SEMA5A: variants seen among roughly 807,000 people sequenced by gnomAD.
SEMA5A encodes semaphorin 5A, also known as semaphorin-5A.
Under a neutral mutation model 135.5 loss-of-function variants are expected in SEMA5A, and 55 were observed. The observed-to-expected ratio is 0.41, with a 90% CI of 0.33 to 0.51. The LOEUF (loss-of-function observed/expected upper bound fraction) is 0.51, where lower values mean the gene tolerates loss of function less well. Among genes scored for constraint, SEMA5A ranks in the 20% least tolerant of loss-of-function variants. The probability of loss-of-function intolerance (pLI) is 0.37; values close to 1 mark genes in which losing one functional copy is unlikely to be tolerated. For missense variants in SEMA5A, 1,290 were observed against 1,419.9 expected (o/e 0.91, Z 1.47); for synonymous variants, 580 against 546.5 (o/e 1.06, Z -0.85).
At position 9,037,500 on chromosome 5, in the gene SEMA5A, G is replaced by A. The variant is rs1735714311; in HGVS notation, c.*5397C>T. Reference sequence around the variant, plus strand: ...GTATCAAATTTCTGATAATGCAACAGATGACCACTGAGTATATCTTTGATC... The same window carrying A: ...GTATCAAATTTCTGATAATGCAACAAATGACCACTGAGTATATCTTTGATC... On this transcript the variant is annotated 3_prime_UTR_variant, in exon 23 of 23. Coordinates refer to ENST00000382496, the MANE Select transcript of SEMA5A (RefSeq NM_003966.3). The A allele has an allele frequency of 6.6e-6, 1 of 152,290 alleles. No individual in the cohort carries two copies. Among genetic ancestry groups the A allele is most frequent in the East Asian group, 1.9e-4 (1 of 5,180 alleles). 9.4% of individuals were successfully genotyped at this position (152,290 alleles called of 1,614,324 possible). A position where few individuals can be genotyped will look rare whatever the true frequency, so the allele number is the denominator to read the frequency against.
chr5:9,194,856 T>A (rs40690), intron 10 of SEMA5A, among the ~76,000 whole-genome samples: 128,173 of 152,126 alleles, frequency 0.84, 54,178 homozygotes, highest in African/African-American at 0.89. Flanking sequence ...ATAAAACCAG[T>A]CGCTCCTGGC....
chr5:9,521,128 G>C (rs1336265677), intron 1 of SEMA5A, among the ~76,000 whole-genome samples: 1 of 152,304 alleles, frequency 6.6e-6, no homozygotes, highest in East Asian at 1.9e-4. Flanking sequence ...ACATTTTTTA[G>C]GCTAGGCCTG....
chr5:9,136,467 G>A (rs909338814), intron 13 of SEMA5A, 37 bp downstream of exon 13: 1 of 1,544,198 alleles, frequency 6.5e-7, no homozygotes, highest in South Asian at 1.1e-5. Context: ...GCTCCCATGG[G>A]CAGCATTTTC....
At chr5:9,455,910 C>G (rs555059260) in intron 1 of SEMA5A, among the ~76,000 whole-genome samples, 36 of 152,280 alleles carry the variant, frequency 2.4e-4, no homozygotes, top group Middle Eastern at 3.4e-3. Context: ...ACAGAAGACC[C>G]TTCTTCTTCG....
chr5:9,084,209 G>A (rs190620046), intron 16 of SEMA5A, among the ~76,000 whole-genome samples: 1 of 152,330 alleles, frequency 6.6e-6, no homozygotes, highest in East Asian at 1.9e-4. Context: ...TACTCAAGAT[G>A]TGTGCCTCCT....
intron 11 of SEMA5A, among the ~76,000 whole-genome samples, chr5:9,175,979 T>G (rs1415530825): frequency 6.6e-6 from 1 of 152,228 alleles, no homozygotes. Context: ...CTGGTGTTCA[T>G]GTTCTATGTA....
At chr5:9,095,381 G>GAAC (rs1328871867) in intron 16 of SEMA5A, among the ~76,000 whole-genome samples, 1 of 152,126 alleles carries the variant, frequency 6.6e-6, no homozygotes, top group Non-Finnish European at 1.5e-5. Flanking sequence ...ATGTACCCCA[G>GAAC]AACTTAAAGT....
rs977317097 is a variant in SEMA5A, at chr5:9,035,787, A to G, written c.*7110T>C. On this transcript the variant is annotated 3_prime_UTR_variant, in exon 23 of 23. Transcript: ENST00000382496. ...CCCAGCAATCTACAAGTGTTCTAGC[A>G]TAGCAACCCAAGATCCATTTTCTCA... is the stretch of plus-strand genomic sequence containing the variant. 1 of 152,150 alleles carries G rather than the reference A, an allele frequency of 6.6e-6. No individual in the cohort carries two copies. Among genetic ancestry groups the G allele is most frequent in the South Asian group, 2.1e-4 (1 of 4,828 alleles). The allele number at this position is 152,150 out of a possible 1,614,324, so 9.4% of individuals were successfully genotyped here.
At chr5:9,154,105 G>GTGTC (rs1742814176) in intron 12 of SEMA5A, among the ~76,000 whole-genome samples, 1 of 115,936 alleles carries the variant, frequency 8.6e-6, no homozygotes, top group African/African-American at 3.1e-5. Flanking sequence ...GTGTGTGTGT[G>GTGTC]TATGTGTGTG....
intron 4 of SEMA5A, among the ~76,000 whole-genome samples, chr5:9,326,716 G>A (rs963099082): frequency 5.3e-5 from 8 of 152,256 alleles, no homozygotes; most frequent in African/African-American, 1.4e-4. Context: ...GCAAGGTGGA[G>A]GTTGCACTGA....
At chr5:9,499,475 C>T (rs986160798) in intron 1 of SEMA5A, among the ~76,000 whole-genome samples, 1 of 152,162 alleles carries the variant, frequency 6.6e-6, no homozygotes, top group Non-Finnish European at 1.5e-5. Flanking sequence ...AAGGATGCCT[C>T]ATTGACCTAG....
At chr5:9,392,264 C>G (rs985545421) in intron 2 of SEMA5A, among the ~76,000 whole-genome samples, 1 of 152,126 alleles carries the variant, frequency 6.6e-6, no homozygotes, top group Non-Finnish European at 1.5e-5. Flanking sequence ...TTGACTGATA[C>G]ATTTTTGAGT....
intron 11 of SEMA5A, among the ~76,000 whole-genome samples, chr5:9,178,327 TCTC>T (rs1215004374): frequency 7.3e-6 from 1 of 137,042 alleles, no homozygotes; most frequent in Non-Finnish European, 1.5e-5. Flanking sequence ...TTTTTTTTTC[TCTC>T]CTTTTTTTTT....
chr5:9,511,202 C>T (rs1736188671), intron 1 of SEMA5A: 1 of 152,188 alleles, frequency 6.6e-6, no homozygotes, highest in Admixed American at 6.5e-5. Context: ...ATATTTACAA[C>T]AGTGCTACAT....
At chr5:9,090,776 C>T (rs902102706) in intron 16 of SEMA5A, among the ~76,000 whole-genome samples, 2 of 152,156 alleles carry the variant, frequency 1.3e-5, no homozygotes, top group South Asian at 2.1e-4. Context: ...AGTCTCCATT[C>T]GTCCCTCATA....
chr5:9,360,077 T>C (rs1459226288), intron 3 of SEMA5A, among the ~76,000 whole-genome samples: 1 of 152,262 alleles, frequency 6.6e-6, no homozygotes, highest in Non-Finnish European at 1.5e-5. Context: ...CTCTCAGCAA[T>C]AGCCTTTGAA....
chr5:9,265,065 A>G (rs1281832630), intron 5 of SEMA5A, among the ~76,000 whole-genome samples: 1 of 152,178 alleles, frequency 6.6e-6, no homozygotes, highest in Non-Finnish European at 1.5e-5. Flanking sequence ...AAAGTTAGGG[A>G]AAATTCTTAC....
Position 9,043,036 on chromosome 5 carries a change from A to AAAAAC in SEMA5A, c.3106-21_3106-20insGTTTT. 6.3e-7 allele frequency: 1 copy of AAAAAC among 1,591,862 alleles called. No individual in the cohort carries two copies. Among genetic ancestry groups the AAAAAC allele is most frequent in the Non-Finnish European group, 8.6e-7 (1 of 1,165,822 alleles). On this transcript the variant is annotated intron_variant, in intron 22 of 22. Coordinates refer to ENST00000382496, the MANE Select transcript of SEMA5A (RefSeq NM_003966.3). ...AAATGCCTGGAAAATATATTAAAAA[A>AAAAAC]AAACAGGTTTAAGAATGCTGAGTAG...
chr5:9,134,101 C>T (rs970480238), intron 13 of SEMA5A, among the ~76,000 whole-genome samples: 2 of 152,148 alleles, frequency 1.3e-5, no homozygotes, highest in Admixed American at 1.3e-4. Flanking sequence ...TTTCTGAGGC[C>T]TCTTCAGCCA....
Sources: gnomAD v4.1 joint callset for allele counts (sites outside exome capture counted in the v4.1 genomes callset) on GRCh38, gnomAD v4.1.1 for gene constraint, MANE v1.5 for transcripts, NCBI Gene and HGNC (gene_info 2026-07-23, HGNC 2026-07-21) for gene names.